The following IQGAP3 variants were observed in gnomAD, a reference collection of about 807,000 sequenced individuals.
IQGAP3 encodes the protein IQ motif containing GTPase activating protein 3, also known as ras GTPase-activating-like protein IQGAP3.
Under a neutral mutation model 208.2 loss-of-function variants are expected in IQGAP3, and 165 were observed. That is an observed-to-expected ratio of 0.79 (90% CI 0.70 to 0.90). The LOEUF (loss-of-function observed/expected upper bound fraction) is 0.90, where lower values mean the gene tolerates loss of function less well. Ranked by LOEUF, IQGAP3 falls within the 40% of genes least tolerant of loss-of-function variation. The probability of loss-of-function intolerance (pLI) is 0.00; values close to 1 mark genes in which losing one functional copy is unlikely to be tolerated. For synonymous variants in IQGAP3, 703 were observed against 803.6 expected, an observed-to-expected ratio of 0.87 and a Z score of 2.12; for missense variants, 1,811 against 2,043.1, an observed-to-expected ratio of 0.89 and a Z score of 2.19.
intron 24 of IQGAP3, 72 bp downstream of exon 24, chr1:156,539,766 G>A: frequency 5.2e-6 from 8 of 1,551,722 alleles, no homozygotes; most frequent in Non-Finnish European, 7.1e-6. Context: ...CAAACGCACA[G>A]ACAAGAAGGC....
intron 28 of IQGAP3, 132 bp downstream of exon 28, chr1:156,535,031 G>A: frequency 2.6e-6 from 2 of 760,166 alleles, no homozygotes; most frequent in Non-Finnish European, 4.6e-6. Context: ...TCCATTTATA[G>A]GGGGCAGCAT....
intron 22 of IQGAP3, 21 bp from the exon 23 acceptor site, chr1:156,540,937 A>G (rs373250408): frequency 2.5e-6 from 4 of 1,603,808 alleles, no homozygotes; most frequent in Non-Finnish European, 3.4e-6. Flanking sequence ...GGGAGGAGGC[A>G]TCAGGATTAG....
chr1:156,527,898 C>A (rs1035487090), intron 37 of IQGAP3, 54 bp downstream of exon 37: 1 of 1,260,930 alleles, frequency 7.9e-7, no homozygotes, highest in Non-Finnish European at 1.2e-6. Flanking sequence ...TCTCTTCAGG[C>A]CAGCACCTAA....
chr1:156,535,825 TC>T (rs1674662067), intron 27 of IQGAP3, among the ~76,000 whole-genome samples: 1 of 152,194 alleles, frequency 6.6e-6, no homozygotes, highest in East Asian at 1.9e-4. Flanking sequence ...TATTTCCTTC[TC>T]CTTTGTAAGT....
chr1:156,561,173 G>T, intron 10 of IQGAP3, 152 bp from the exon 11 acceptor site: 4 of 442,758 alleles, frequency 9.0e-6, no homozygotes, highest in East Asian at 7.7e-5. Context: ...CCTATTAACC[G>T]TTTTTTTTTT....
chr1:156,548,303 A>T, intron 18 of IQGAP3, 45 bp downstream of exon 18: 2 of 1,609,380 alleles, frequency 1.2e-6, no homozygotes, highest in East Asian at 2.2e-5. Flanking sequence ...CTTCTTCAGG[A>T]CATTCCTATC....
chr1:156,526,292 C>T lies in IQGAP3; in HGVS notation c.*194G>A, dbSNP rs1444876481. ...ACACAGCTGGACTCTGGGCAAGGCC[C>T]ACTTTAGCCAATTAGAAGATACACT... On this transcript the variant is annotated 3_prime_UTR_variant, in exon 38 of 38. Transcript: ENST00000361170. 1.2e-5 allele frequency: 7 copies of T among 585,774 alleles called. No homozygotes were observed. Among genetic ancestry groups the T allele is most frequent in the Non-Finnish European group, 1.8e-5 (6 of 327,250 alleles). The allele number at this position is 585,774 out of a possible 1,614,324, so 36.3% of individuals were successfully genotyped here. A position where few individuals can be genotyped will look rare whatever the true frequency, so the allele number is the denominator to read the frequency against.
At chr1:156,528,755 C>G (rs538927707) in intron 35 of IQGAP3, 145 bp from the exon 36 acceptor site, 18 of 1,080,596 alleles carry the variant, frequency 1.7e-5, no homozygotes, top group East Asian at 2.5e-5. Flanking sequence ...CACTTGAGCC[C>G]AAGACTTTGT....
At chr1:156,550,516 G>T (rs1675500812) in intron 15 of IQGAP3, among the ~76,000 whole-genome samples, 165 bp from the exon 16 acceptor site, 1 of 152,188 alleles carries the variant, frequency 6.6e-6, no homozygotes, top group Admixed American at 6.5e-5. Context: ...TGTGGCATGT[G>T]GTTCCCTGGG....
In IQGAP3 at chr1:156,536,579, T is replaced by C. The variant is rs193206608; in HGVS notation, c.3422+602A>G. On this transcript the variant is annotated intron_variant, in intron 27 of 37. Coordinates refer to ENST00000361170, the MANE Select transcript of IQGAP3 (RefSeq NM_178229.5). ...TGCTCTATTGCACAGAAGGTGACTATAGTTGATAATAATGTGTTGTATATC... is the reference window on the plus strand; with the variant it reads ...TGCTCTATTGCACAGAAGGTGACTACAGTTGATAATAATGTGTTGTATATC... 3.3e-5 allele frequency among the ~76,000 whole-genome samples: 5 copies of C among 152,276 alleles called. No homozygotes were observed. In the East Asian group the frequency reaches 9.6e-4, roughly 29 times the overall value.
At chr1:156,569,527 TC>T (rs369609003) in intron 1 of IQGAP3, 64 bp from the exon 2 acceptor site, 92 of 503,984 alleles carry the variant, frequency 1.8e-4, no homozygotes, top group South Asian at 6.6e-4. Flanking sequence ...CACTGAAGGG[TC>T]TTTTTTTTTT....
Position 156,526,413 on chromosome 1 carries a change from C to T in IQGAP3, c.*73G>A, listed in dbSNP as rs1674061452. The T allele has an allele frequency of 1.0e-6, 1 of 969,328 alleles. No individual in the cohort carries two copies. 60.0% of individuals were successfully genotyped at this position (969,328 alleles called of 1,614,324 possible). A position where few individuals can be genotyped will look rare whatever the true frequency, so the allele number is the denominator to read the frequency against. ...TGAGCTCTAGGTGTCTGCAGGGAAG[C>T]ACAGTGGTGAGTTAGTGTTAAAGAA... On this transcript the variant is annotated 3_prime_UTR_variant, in exon 38 of 38. Coordinates refer to ENST00000361170, the MANE Select transcript of IQGAP3 (RefSeq NM_178229.5).
At position 156,534,037 on chromosome 1, in the gene IQGAP3, GTGA is replaced by G; in HGVS notation, c.3842_3844del (p.Ile1281del). 6.2e-7 allele frequency: 1 copy of G among 1,613,888 alleles called. No homozygotes were observed. The highest frequency in any genetic ancestry group is 1.1e-5 in the South Asian group (1 of 91,076). Reference sequence around the variant, plus strand: ...GTGCGTGTTGACCAGCTCCCCCACGGTGATGTACACCATGGGTTTGGCCACAGC... The same window carrying G: ...GTGCGTGTTGACCAGCTCCCCCACGGTGTACACCATGGGTTTGGCCACAGC... On this transcript the variant is annotated inframe_deletion, in exon 30 of 38. Coordinates refer to ENST00000361170, the MANE Select transcript of IQGAP3 (RefSeq NM_178229.5).
At chr1:156,542,350 T>C (rs1361710097) in intron 22 of IQGAP3, among the ~76,000 whole-genome samples, 1 of 152,036 alleles carries the variant, frequency 6.6e-6, no homozygotes, top group Non-Finnish European at 1.5e-5. Flanking sequence ...TCACCATGTC[T>C]GGCTAATTTT....
In IQGAP3 at chr1:156,566,389, C is replaced by T; in HGVS notation, c.282+1G>A. 1 of 1,613,930 alleles carries T rather than the reference C, an allele frequency of 6.2e-7. No homozygotes were observed. The highest frequency in any genetic ancestry group is 8.5e-7 in the Non-Finnish European group (1 of 1,179,850). ...TAGAAGGTGGGGTCCAATCCTCCCA[C>T]CTGGTACCGCAGCTGCTCCACATCG... On this transcript the variant is annotated splice_donor_variant, in intron 3 of 37. Coordinates refer to ENST00000361170, the MANE Select transcript of IQGAP3 (RefSeq NM_178229.5). LOFTEE classifies it high-confidence loss of function.
At chr1:156,542,709 G>A (rs530218809) in intron 22 of IQGAP3, among the ~76,000 whole-genome samples, 13 of 152,318 alleles carry the variant, frequency 8.5e-5, no homozygotes, top group African/African-American at 1.4e-4. Context: ...GGCAGCCAAG[G>A]TGAGTGGATC....
intron 19 of IQGAP3, 77 bp from the exon 20 acceptor site, chr1:156,544,549 C>T: frequency 8.0e-7 from 1 of 1,248,424 alleles, no homozygotes; most frequent in Non-Finnish European, 1.2e-6. Context: ...AAATCTTTGT[C>T]CTGGGCCCTC....
intron 28 of IQGAP3, 117 bp downstream of exon 28, chr1:156,535,046 C>A: frequency 1.2e-6 from 1 of 829,328 alleles, no homozygotes; most frequent in Admixed American, 1.9e-5. Flanking sequence ...CAGCATATTT[C>A]CCTCCTTGGA....
rs771956556 is a variant in IQGAP3, at chr1:156,534,015, C to T, written c.3867G>A (p.Thr1289=). The T allele has an allele frequency of 1.1e-5, 18 of 1,613,534 alleles. No homozygotes were observed. The highest frequency in any genetic ancestry group is 1.7e-5 in the Admixed American group (1 of 60,010). Reference sequence around the variant, plus strand: ...CCAGATCTCAGCCCCTCACCCTGTGCGTGTTGACCAGCTCCCCCACGGTGA... The same window carrying T: ...CCAGATCTCAGCCCCTCACCCTGTGTGTGTTGACCAGCTCCCCCACGGTGA... ...VYITVGELVN[T]HRLLLEHQDC... is the part of the protein sequence containing the mutation. Residue 1289 remains threonine (T), a synonymous_variant, in exon 30 of 38, where the codon ACG becomes ACA. Coordinates refer to ENST00000361170, the MANE Select transcript of IQGAP3 (RefSeq NM_178229.5).
Sources: gnomAD v4.1 joint callset for allele counts (sites outside exome capture counted in the v4.1 genomes callset) on GRCh38, gnomAD v4.1.1 for gene constraint, MANE v1.5 for transcripts, NCBI Gene and HGNC (gene_info 2026-07-23, HGNC 2026-07-21) for gene names.